ZNF710: variants seen among roughly 807,000 people sequenced by gnomAD.
The protein encoded by ZNF710 is zinc finger protein 710.
A neutral mutation model predicts 50.6 loss-of-function variants in ZNF710; 13 were observed. The observed-to-expected ratio is 0.26, with a 90% CI of 0.17 to 0.41. The LOEUF is 0.41. Among genes scored for constraint, ZNF710 ranks in the 10% least tolerant of loss-of-function variants. ZNF710 has a pLI of 1.00. For synonymous variants in ZNF710, 383 were observed against 397.0 expected (o/e 0.96, Z 0.42); for missense variants, 721 against 936.6 (o/e 0.77, Z 3.01).
intron 1 of ZNF710, among the ~76,000 whole-genome samples, chr15:90,029,789 A>G (rs1898879811): frequency 6.6e-6 from 1 of 151,298 alleles, no homozygotes; most frequent in Admixed American, 6.6e-5. Context: ...TAATTTTTCT[A>G]TTTTTAGTAG....
At chr15:90,014,496 G>C (rs1898396729) in intron 1 of ZNF710, among the ~76,000 whole-genome samples, 1 of 143,684 alleles carries the variant, frequency 7.0e-6, no homozygotes, top group Admixed American at 7.0e-5. Context: ...GGGAAACATA[G>C]TGAGACCCTA....
chr15:90,008,624 A>G (rs1898217131), intron 1 of ZNF710, among the ~76,000 whole-genome samples: 1 of 151,044 alleles, frequency 6.6e-6, no homozygotes, highest in South Asian at 2.1e-4. Flanking sequence ...CTCTACAAAA[A>G]AGTTTTATAA....
In ZNF710 at chr15:90,040,368, G is replaced by A. The variant is rs1899261060; in HGVS notation, c.-28-26742G>A. Among the ~76,000 whole-genome samples, 1 of 152,230 alleles carries A rather than the reference G, an allele frequency of 6.6e-6. No homozygotes were observed. Among genetic ancestry groups the A allele is most frequent in the South Asian group, 2.1e-4 (1 of 4,826 alleles). ...GGATGGGGTTGTTAAAGCCACATGT[G>A]AACACTCCGCAGATTTTCCCTGCAA... On this transcript the variant is annotated intron_variant, in intron 1 of 4. Transcript: ENST00000268154. The surrounding 1 kb of genome is among the most constrained non-coding windows in gnomAD (Gnocchi z 4.6).
rs552717914 is a variant in ZNF710, at chr15:90,045,011, T to C, written c.-28-22099T>C. Among the ~76,000 whole-genome samples, 9 of 152,306 alleles carry C rather than the reference T, an allele frequency of 5.9e-5. No individual in the cohort carries two copies. The South Asian group carries it at 1.5e-3, about 25-fold the overall frequency. ...CCAGAGTGCCTTTCTTCTGTTAGTC[T>C]GCCTGCTGAACTCCTACACAACCTA... On this transcript the variant is annotated intron_variant, in intron 1 of 4. Transcript: ENST00000268154.
intron 1 of ZNF710, among the ~76,000 whole-genome samples, 179 bp from the exon 2 acceptor site, chr15:90,066,931 C>A (rs1471399777): frequency 6.6e-6 from 1 of 152,196 alleles, no homozygotes; most frequent in Non-Finnish European, 1.5e-5. Context: ...TGGTCAGATA[C>A]ACAGCAGGAA....
intron 1 of ZNF710, among the ~76,000 whole-genome samples, chr15:90,032,661 C>T (rs536586531): frequency 6.6e-6 from 1 of 151,552 alleles, no homozygotes; most frequent in South Asian, 2.1e-4. Context: ...ACCTGTAATC[C>T]CAGGTACTTG....
In ZNF710 at chr15:90,074,293, G is replaced by A. The variant is rs1056827271; in HGVS notation, c.1825+3G>A. On this transcript the variant is annotated splice_donor_region_variant and intron_variant, in intron 4 of 4. Coordinates refer to ENST00000268154, the MANE Select transcript of ZNF710 (RefSeq NM_198526.4). Reference sequence around the variant, plus strand: ...GGACATCGGCCTGGACAGCCAAGGTGGGTGGGCCAAGCGCAATGGACAGAG... The same window carrying A: ...GGACATCGGCCTGGACAGCCAAGGTAGGTGGGCCAAGCGCAATGGACAGAG... The A allele has an allele frequency of 6.2e-7, 1 of 1,612,508 alleles. No homozygotes were observed. Among genetic ancestry groups the A allele is most frequent in the African/African-American group, 1.3e-5 (1 of 74,940 alleles).
intron 1 of ZNF710, among the ~76,000 whole-genome samples, chr15:90,057,419 G>A (rs1032303084): frequency 3.3e-5 from 5 of 151,998 alleles, no homozygotes; most frequent in African/African-American, 1.2e-4. Flanking sequence ...TTCGAGGCCG[G>A]GCACGGTGGC....
chr15:90,017,667 T>C (rs1477379816), intron 1 of ZNF710, among the ~76,000 whole-genome samples: 2 of 152,050 alleles, frequency 1.3e-5, no homozygotes, highest in East Asian at 3.9e-4. Flanking sequence ...CACTTTTGTT[T>C]GGTTACTTGG....
chr15:90,003,503 AGGGCTGGG>A (rs1170108357), intron 1 of ZNF710, among the ~76,000 whole-genome samples: 2 of 152,100 alleles, frequency 1.3e-5, no homozygotes, highest in African/African-American at 4.8e-5. Flanking sequence ...TGCCAAGTAG[AGGGCTGGG>A]GGTCTGTGTC....
intron 2 of ZNF710, among the ~76,000 whole-genome samples, chr15:90,071,235 T>G (rs886398539): frequency 2.7e-5 from 4 of 147,648 alleles, no homozygotes; most frequent in Admixed American, 6.8e-5. Flanking sequence ...TACTCTAGCC[T>G]GGGCAACAAA....
intron 4 of ZNF710, chr15:90,074,536 A>G (rs1382404782): frequency 2.8e-6 from 4 of 1,447,900 alleles, no homozygotes; most frequent in South Asian, 2.4e-5. Flanking sequence ...ACTAACATTT[A>G]TTGAGTGCTA....
chr15:90,063,829 G>A (rs922442356), intron 1 of ZNF710, among the ~76,000 whole-genome samples: 2 of 152,166 alleles, frequency 1.3e-5, no homozygotes, highest in Non-Finnish European at 2.9e-5. Flanking sequence ...TGAGGTTGGC[G>A]GGAGGGGGCT....
chr15:90,054,360 G>C (rs1899742088), intron 1 of ZNF710, among the ~76,000 whole-genome samples: 1 of 152,150 alleles, frequency 6.6e-6, no homozygotes, highest in South Asian at 2.1e-4. Flanking sequence ...TTGGTGAGGA[G>C]GAAGGGAAGC....
At chr15:90,043,929 T>C (rs1283000975) in intron 1 of ZNF710, among the ~76,000 whole-genome samples, 1 of 152,124 alleles carries the variant, frequency 6.6e-6, no homozygotes, top group East Asian at 1.9e-4. Context: ...CTCTTGCCTC[T>C]CTCTCTCCCT....
intron 1 of ZNF710, among the ~76,000 whole-genome samples, chr15:90,054,358 G>C (rs1275951380): frequency 6.6e-6 from 1 of 152,158 alleles, no homozygotes; most frequent in Non-Finnish European, 1.5e-5. Context: ...TCTTGGTGAG[G>C]AGGAAGGGAA....
In ZNF710 at chr15:90,039,619, C is replaced by T. The variant is rs550320733; in HGVS notation, c.-28-27491C>T. 1.2e-4 allele frequency among the ~76,000 whole-genome samples: 19 copies of T among 152,260 alleles called. No homozygotes were observed. In the East Asian group the frequency reaches 3.7e-3, roughly 29 times the overall value. ...ATGACTGCAAGTCATGATTAGGAGC[C>T]CTCGGTGCTGAGCTCAGGTATGGAG... On this transcript the variant is annotated intron_variant, in intron 1 of 4. Transcript: ENST00000268154.
At chr15:89,999,485 C>T (rs1484973248), upstream of ZNF710, among the ~76,000 whole-genome samples, 1 of 152,118 alleles carries the variant, frequency 6.6e-6, no homozygotes, top group African/African-American at 2.4e-5. Context: ...AATGTGGTTT[C>T]CTGCAGACCT....
chr15:90,025,387 T>A (rs150984468), intron 1 of ZNF710: 1 of 152,184 alleles, frequency 6.6e-6, no homozygotes, highest in Non-Finnish European at 1.5e-5. Context: ...AATCTTATTA[T>A]TAAAATAGTC....
Sources: allele counts gnomAD v4.1 joint callset (sites outside exome capture counted in the v4.1 genomes callset), GRCh38; gene constraint gnomAD v4.1.1; non-coding constraint Gnocchi (gnomAD v3.1); transcripts MANE v1.5; gene names NCBI Gene and HGNC (gene_info 2026-07-23, HGNC 2026-07-21).